Variants in CUX2 observed in about 807,000 individuals in gnomAD.
CUX2 encodes cut like homeobox 2.
A neutral mutation model predicts 144.8 loss-of-function variants in CUX2; 40 were observed. The observed-to-expected ratio is 0.28, with a 90% CI of 0.21 to 0.36. The LOEUF is 0.36. CUX2 is among the 10% of genes least tolerant of loss of function. The probability of loss-of-function intolerance (pLI) is 1.00; values close to 1 mark genes in which losing one functional copy is unlikely to be tolerated. For synonymous variants in CUX2, 827 were observed against 875.6 expected (o/e 0.94, Z 0.98); for missense variants, 1,615 against 1,994.0 (o/e 0.81, Z 3.62).
At position 111,310,195 on chromosome 12, in the gene CUX2, C is replaced by T. The variant is rs368575682; in HGVS notation, c.1413C>T (p.Asp471=). ...TGCTGGGCCCCAGCTTGGGGCCTGA[C>T]GGCACTCGGACTTTCTCGCTGTCCC... The part of the protein sequence containing the change: ...QPLLGPSLGP[D]GTRTFSLSPF... The change falls in exon 15 of 22, where the codon GAC becomes GAT. Residue 471 remains aspartate, a synonymous_variant. Transcript: ENST00000261726. The surrounding 1 kb of genome is among the most constrained non-coding windows in gnomAD (Gnocchi z 7.9). 22 of 1,533,598 alleles carry T rather than the reference C, an allele frequency of 1.4e-5. No individual in the cohort carries two copies. The highest frequency in any genetic ancestry group is 5.1e-5 in the South Asian group (4 of 78,358). 95.0% of individuals were successfully genotyped at this position (1,533,598 alleles called of 1,614,324 possible).
At chr12:111,090,705 A>G (rs1417827511) in intron 1 of CUX2, among the ~76,000 whole-genome samples, 1 of 152,018 alleles carries the variant, frequency 6.6e-6, no homozygotes, top group Admixed American at 6.5e-5. Flanking sequence ...ACTGCAAAAA[A>G]TCCCAAACCT....
chr12:111,065,693 A>G (rs1402745860), intron 1 of CUX2, among the ~76,000 whole-genome samples: 1 of 152,230 alleles, frequency 6.6e-6, no homozygotes, highest in African/African-American at 2.4e-5. Context: ...GTCCAGCAGT[A>G]TTACCATGTG....
chr12:111,297,932 G>A (rs972095969), intron 8 of CUX2, among the ~76,000 whole-genome samples: 1 of 152,156 alleles, frequency 6.6e-6, no homozygotes, highest in Non-Finnish European at 1.5e-5. Context: ...GAACTCCCTG[G>A]AGGAGGTGGC....
intron 3 of CUX2, among the ~76,000 whole-genome samples, chr12:111,253,817 C>G (rs1248776087): frequency 1.5e-5 from 2 of 137,306 alleles, no homozygotes; most frequent in Admixed American, 1.4e-4. Context: ...TTTTTAGAAA[C>G]AGCCTTTTTT....
intron 10 of CUX2, among the ~76,000 whole-genome samples, chr12:111,306,100 A>G (rs1240087146): frequency 1.3e-5 from 2 of 152,084 alleles, no homozygotes; most frequent in African/African-American, 2.4e-5. Context: ...TGCCTCGTAG[A>G]GGAATTTGCC....
intron 1 of CUX2, among the ~76,000 whole-genome samples, chr12:111,133,820 C>T (rs761867521): frequency 1.3e-5 from 2 of 152,080 alleles, no homozygotes; most frequent in Non-Finnish European, 2.9e-5. Context: ...CTCAGTAGGA[C>T]GTGGAGAGGC....
At chr12:111,306,661 C>T (rs1164437752) in intron 10 of CUX2, among the ~76,000 whole-genome samples, 1 of 152,202 alleles carries the variant, frequency 6.6e-6, no homozygotes, top group Non-Finnish European at 1.5e-5. Flanking sequence ...GCACCCAATC[C>T]CCAACCTCAG....
At position 111,348,296 on chromosome 12, in the gene CUX2, CGGG is replaced by C; in HGVS notation, c.4433_4435del (p.Arg1478_Glu1479delinsGln). On this transcript the variant is annotated inframe_deletion, in exon 22 of 22. Transcript: ENST00000261726. ...TTACCGAGTAGAGCGGGCTGCCAAT[CGGG>C]AGGAGGCCCTGGAGTGGGAGTTCTG... The C allele has an allele frequency of 6.2e-7, 1 of 1,612,514 alleles. No individual in the cohort carries two copies. Among genetic ancestry groups the C allele is most frequent in the Non-Finnish European group, 8.5e-7 (1 of 1,179,460 alleles).
chr12:111,200,702 G>A (rs1880529370), intron 1 of CUX2, among the ~76,000 whole-genome samples: 1 of 152,180 alleles, frequency 6.6e-6, no homozygotes, highest in East Asian at 1.9e-4. Flanking sequence ...CGTATAGGAT[G>A]CAGCCAAATT....
chr12:111,314,001 A>C (rs1384369909), intron 16 of CUX2, among the ~76,000 whole-genome samples: 1 of 152,106 alleles, frequency 6.6e-6, no homozygotes, highest in East Asian at 1.9e-4. Flanking sequence ...TGCCGCCAGG[A>C]GCCGAGATGT....
Position 111,334,489 on chromosome 12 carries a change from C to T in CUX2, c.2975C>T (p.Thr992Ile), listed in dbSNP as rs773879770. ...TCACCATCCCCACCCCCCAGCCCCA[C>T]AGAGCCTGAGAAGAGCTCCCAGGAG... ...RSSPSPPPSP[T>I]EPEKSSQEPL... The change falls in exon 19 of 22, where the codon ACA becomes ATA. Residue 992 changes from threonine (T) to isoleucine (I), a missense_variant. Coordinates refer to ENST00000261726, the MANE Select transcript of CUX2 (RefSeq NM_015267.4). The T allele has an allele frequency of 2.5e-6, 4 of 1,613,102 alleles. No homozygotes were observed. The highest frequency in any genetic ancestry group is 2.2e-5 in the South Asian group (2 of 91,010).
chr12:111,157,642 C>T (rs552491451), intron 1 of CUX2, among the ~76,000 whole-genome samples: 9 of 152,226 alleles, frequency 5.9e-5, no homozygotes, highest in African/African-American at 9.6e-5. Flanking sequence ...CCAAATTCAT[C>T]GATGGTTTGG....
intron 18 of CUX2, among the ~76,000 whole-genome samples, chr12:111,331,332 T>C (rs1888113681): frequency 6.6e-6 from 1 of 152,162 alleles, no homozygotes; most frequent in Non-Finnish European, 1.5e-5. Flanking sequence ...GTCATACATT[T>C]TAATGGTTAT....
At chr12:111,091,502 C>T (rs1592885087) in intron 1 of CUX2, among the ~76,000 whole-genome samples, 1 of 152,186 alleles carries the variant, frequency 6.6e-6, no homozygotes, top group South Asian at 2.1e-4. Flanking sequence ...AGTTGCCCAA[C>T]TGATGGGGCC....
At position 111,320,052 on chromosome 12, in the gene CUX2, C is replaced by G. The variant is rs760450711; in HGVS notation, c.2043C>G (p.Asn681Lys). 1.3e-6 allele frequency: 2 copies of G among 1,543,834 alleles called. No individual in the cohort carries two copies. The highest frequency in any genetic ancestry group is 1.7e-6 in the Non-Finnish European group (2 of 1,149,380). Residue 681 changes from asparagine (N) to lysine (K), a missense_variant, in exon 17 of 22, where the codon AAC (asparagine) becomes AAG (lysine). Coordinates refer to ENST00000261726, the MANE Select transcript of CUX2 (RefSeq NM_015267.4). This position sits in a 1 kb window ranked among gnomAD's most constrained non-coding sequence, Gnocchi z 8.1. Reference protein sequence around the residue: ...KTSVAPLSIANGTTPASTSED... With the variant: ...KTSVAPLSIAKGTTPASTSED... ...CGGTGGCCCCGCTGAGCATCGCCAA[C>G]GGCACGACCCCCGCCAGCACCTCGG...
intron 1 of CUX2, among the ~76,000 whole-genome samples, chr12:111,133,633 C>G (rs1875650149): frequency 6.6e-6 from 1 of 152,126 alleles, no homozygotes; most frequent in African/African-American, 2.4e-5. Context: ...GGTGGGGGCA[C>G]AGCCAAACCA....
In CUX2 at chr12:111,035,105, G is replaced by A. The variant is rs1869365826; in HGVS notation, c.63+865G>A. ...AGCGGCGCAGAGCAGGTGACTCCCA[G>A]CCCTCGGGCCCAAGGGAACTTTTAA... On this transcript the variant is annotated intron_variant, in intron 1 of 21. Transcript: ENST00000261726. This position sits in a 1 kb window ranked among gnomAD's most constrained non-coding sequence, Gnocchi z 6.0. Among the ~76,000 whole-genome samples, 1 of 152,152 alleles carries A rather than the reference G, an allele frequency of 6.6e-6. No homozygotes were observed. The highest frequency in any genetic ancestry group is 2.4e-5 in the African/African-American group (1 of 41,448).
At chr12:111,217,838 G>A (rs372299803) in intron 2 of CUX2, 52 bp from the exon 3 acceptor site, 11 of 1,600,464 alleles carry the variant, frequency 6.9e-6, no homozygotes, top group African/African-American at 2.7e-5. Context: ...CAGGGGCCAC[G>A]GGGGCGTCCC....
At chr12:111,330,718 T>TACATATAA in intron 18 of CUX2, among the ~76,000 whole-genome samples, 1 of 43,554 alleles carries the variant, frequency 2.3e-5, no homozygotes, top group East Asian at 5.7e-4. Context: ...TATATATATA[T>TACATATAA]ATATATATAT....
Sources: allele counts gnomAD v4.1 joint callset (sites outside exome capture counted in the v4.1 genomes callset), GRCh38; gene constraint gnomAD v4.1.1; non-coding constraint Gnocchi (gnomAD v3.1); transcripts MANE v1.5; gene names NCBI Gene and HGNC (gene_info 2026-07-23, HGNC 2026-07-21).